The following ANXA4 variants were observed in gnomAD, a reference collection of about 807,000 sequenced individuals.
ANXA4 encodes the protein annexin A4.
In ANXA4, 39 loss-of-function variants were observed where a neutral mutation model predicts 49.8. The ratio of observed to expected loss-of-function variants is 0.78; its 90% CI spans 0.61 to 1.02. The LOEUF is 1.02. ANXA4 is among the 50% of genes least tolerant of loss of function. The pLI is 0.00. For missense variants in ANXA4, 360 were observed against 410.1 expected (o/e 0.88, Z 1.05); for synonymous variants, 134 against 152.5 (o/e 0.88, Z 0.89).
chr2:69,704,656 T>C (rs1678433756), intron 2 of ANXA4, among the ~76,000 whole-genome samples: 1 of 152,186 alleles, frequency 6.6e-6, no homozygotes, highest in Non-Finnish European at 1.5e-5. Flanking sequence ...CTTAAAATGG[T>C]AAAAGAAGGC....
intron 2 of ANXA4, among the ~76,000 whole-genome samples, chr2:69,667,297 C>T (rs377441087): frequency 4.6e-5 from 7 of 151,812 alleles, no homozygotes; most frequent in Admixed American, 4.6e-4. Flanking sequence ...TTGAATTGTA[C>T]ACTTCACACA....
At chr2:69,705,427 C>T (rs940198838) in intron 2 of ANXA4, among the ~76,000 whole-genome samples, 1 of 152,190 alleles carries the variant, frequency 6.6e-6, no homozygotes, top group African/African-American at 2.4e-5. Context: ...CTTATATAAT[C>T]AAATCATTGG....
chr2:69,643,991 G>A, upstream of ANXA4: 2 of 715,640 alleles, frequency 2.8e-6, no homozygotes, highest in Non-Finnish European at 3.6e-6. Flanking sequence ...AGCTGGGAAA[G>A]GTAGCTCGGC....
chr2:69,724,023 G>T (rs1213838584), intron 3 of ANXA4, among the ~76,000 whole-genome samples: 1 of 152,262 alleles, frequency 6.6e-6, no homozygotes, highest in African/African-American at 2.4e-5. Flanking sequence ...GGTGGGCTGA[G>T]GCTGGAGAAT....
chr2:69,824,517 A>T (rs1674379832), intron 12 of ANXA4, among the ~76,000 whole-genome samples: 1 of 151,998 alleles, frequency 6.6e-6, no homozygotes, highest in African/African-American at 2.4e-5. Context: ...AAAAAAAAAA[A>T]AAAAGGTTTA....
intron 2 of ANXA4, among the ~76,000 whole-genome samples, chr2:69,677,586 T>C (rs914234468): frequency 2.6e-5 from 4 of 152,106 alleles, no homozygotes; most frequent in Non-Finnish European, 5.9e-5. Context: ...TACATCACAA[T>C]TTGCTTAATA....
chr2:69,727,029 T>C (rs1669979117), intron 3 of ANXA4, among the ~76,000 whole-genome samples: 1 of 152,086 alleles, frequency 6.6e-6, no homozygotes, highest in Admixed American at 6.6e-5. Flanking sequence ...ACTACAGGTG[T>C]GCACCACCAC....
intron 3 of ANXA4, among the ~76,000 whole-genome samples, chr2:69,801,284 C>T (rs749363326): frequency 6.6e-6 from 1 of 151,952 alleles, no homozygotes; most frequent in East Asian, 1.9e-4. Flanking sequence ...TCCTTATCTA[C>T]GTTTGTAGCT....
At chr2:69,812,271 C>T (rs368130854) in intron 7 of ANXA4, among the ~76,000 whole-genome samples, 12 of 152,206 alleles carry the variant, frequency 7.9e-5, no homozygotes, top group South Asian at 2.1e-4. Context: ...ATGCACATCC[C>T]GACCCCCTTT....
In ANXA4 at chr2:69,774,326, AGCC is replaced by A. The variant is rs1254310094; in HGVS notation, c.-46-7193_-46-7191del. Among the ~76,000 whole-genome samples, 324 of 81,902 alleles carry A rather than the reference AGCC, an allele frequency of 4.0e-3. 3 individuals are homozygous for A. The highest frequency in any genetic ancestry group is 0.013 in the African/African-American group (271 of 21,652). The allele number at this position is 81,902 out of a possible 152,430, so 53.7% of individuals were successfully genotyped here. ...TTATATGAGGTGTTTATGTAAAAGG[AGCC>A]CCCCCCCCCCCTTTTTTTTTTTTTT... On this transcript the variant is annotated intron_variant, in intron 1 of 12. Transcript: ENST00000394295.
chr2:69,723,382 CA>C (rs916148233), intron 3 of ANXA4, among the ~76,000 whole-genome samples: 16 of 151,704 alleles, frequency 1.1e-4, no homozygotes, highest in African/African-American at 1.5e-4. Context: ...CAGAAGGCTT[CA>C]AAAAAAAGAC....
At position 69,819,270 on chromosome 2, in the gene ANXA4, TC is replaced by T; in HGVS notation, c.725-9del. On this transcript the variant is annotated splice_polypyrimidine_tract_variant and intron_variant, in intron 10 of 12. Transcript: ENST00000394295. The stretch of plus-strand genomic sequence containing the variant: ...AATCTTTTCATTTCTTCTTTTTTTT[TC>T]TTTGACAGTAAAGTGCATGAGGAAC... The T allele has an allele frequency of 6.3e-7, 1 of 1,587,238 alleles. No individual in the cohort carries two copies. Among genetic ancestry groups the T allele is most frequent in the Middle Eastern group, 1.7e-4 (1 of 5,990 alleles).
At chr2:69,647,317 C>G (rs1179777431) in intron 1 of ANXA4, among the ~76,000 whole-genome samples, 1 of 151,882 alleles carries the variant, frequency 6.6e-6, no homozygotes, top group Non-Finnish European at 1.5e-5. Flanking sequence ...TCAGTTAACA[C>G]TATGTATCTT....
chr2:69,675,839 C>T (rs906702128), intron 2 of ANXA4, among the ~76,000 whole-genome samples: 13 of 151,846 alleles, frequency 8.6e-5, no homozygotes, highest in Admixed American at 3.9e-4. Flanking sequence ...CTGGCTAACA[C>T]GGTGAAACCC....
intron 6 of ANXA4, chr2:69,809,954 T>C (rs1673626802): frequency 6.6e-6 from 1 of 152,446 alleles, no homozygotes; most frequent in Non-Finnish European, 1.5e-5. Context: ...GCTCCACAGC[T>C]GTGGTTCCCT....
intron 2 of ANXA4, among the ~76,000 whole-genome samples, chr2:69,705,557 T>G (rs183527877): frequency 3.3e-5 from 5 of 152,280 alleles, no homozygotes; most frequent in Admixed American, 3.3e-4. Context: ...GGAATTGGAG[T>G]CTCCTTATAA....
chr2:69,716,876 C>T (rs1253904084), intron 2 of ANXA4, among the ~76,000 whole-genome samples: 2 of 152,146 alleles, frequency 1.3e-5, no homozygotes, highest in Non-Finnish European at 2.9e-5. Context: ...ACAGAGTTGG[C>T]GATGTTTAAG....
chr2:69,825,150 A>G (rs1285352912), intron 12 of ANXA4, among the ~76,000 whole-genome samples: 2 of 151,962 alleles, frequency 1.3e-5, no homozygotes, highest in Non-Finnish European at 2.9e-5. Context: ...AAAAAGCAGA[A>G]CACAGAATAC....
At position 69,826,322 on chromosome 2, in the gene ANXA4, TAAAGA is replaced by T. The variant is rs1674469995; in HGVS notation, c.*811_*815del. On this transcript the variant is annotated 3_prime_UTR_variant, in exon 13 of 13. Coordinates refer to ENST00000394295, the MANE Select transcript of ANXA4 (RefSeq NM_001153.5). ...GTAATGCTCTGAATTTAGTATGATATAAAGAAAACTTTTTTGTGCTAAAAATACTT... is the reference window on the plus strand; with the variant it reads ...GTAATGCTCTGAATTTAGTATGATATAAACTTTTTTGTGCTAAAAATACTT... 6.5e-6 allele frequency: 1 copy of T among 152,674 alleles called. No individual in the cohort carries two copies. Among genetic ancestry groups the T allele is most frequent in the Non-Finnish European group, 1.5e-5 (1 of 68,044 alleles). 9.5% of individuals were successfully genotyped at this position (152,674 alleles called of 1,614,324 possible).
Sources: gnomAD v4.1 joint callset for allele counts (sites outside exome capture counted in the v4.1 genomes callset) on GRCh38, gnomAD v4.1.1 for gene constraint, MANE v1.5 for transcripts, NCBI Gene and HGNC (gene_info 2026-07-23, HGNC 2026-07-21) for gene names.